PDE2A: variants seen among roughly 807,000 people sequenced by gnomAD.
The protein encoded by PDE2A is phosphodiesterase 2A.
A neutral mutation model predicts 133.6 loss-of-function variants in PDE2A; 53 were observed. The observed-to-expected ratio is 0.40, with a 90% CI of 0.32 to 0.50. The LOEUF is 0.50. Ranked by LOEUF, PDE2A falls within the 20% of genes least tolerant of loss-of-function variation. PDE2A has a pLI of 0.73. For missense variants in PDE2A, 796 were observed against 1,232.4 expected (o/e 0.65, Z 5.30); for synonymous variants, 491 against 490.2 (o/e 1.00, Z -0.02).
In PDE2A at chr11:72,616,439, C is replaced by T. The variant is rs531233513; in HGVS notation, c.145-7688G>A. Among the ~76,000 whole-genome samples the T allele has an allele frequency of 6.6e-5, 10 of 152,304 alleles. No individual in the cohort carries two copies. In the East Asian group the frequency reaches 7.7e-4, roughly 12 times the overall value. ...GCAGAGATTGTGTCCTGCCCCTCTCCAGGTCTCCAGCATTACCCAGCCCCT... is the reference window on the plus strand; with the variant it reads ...GCAGAGATTGTGTCCTGCCCCTCTCTAGGTCTCCAGCATTACCCAGCCCCT... On this transcript the variant is annotated intron_variant, in intron 2 of 30. Transcript: ENST00000334456.
intron 1 of PDE2A, among the ~76,000 whole-genome samples, chr11:72,660,968 A>G (rs1364156833): frequency 6.6e-6 from 1 of 151,962 alleles, no homozygotes; most frequent in East Asian, 1.9e-4. Context: ...GGTCTGAGAA[A>G]ATGAGGCAGA....
At chr11:72,629,112 G>T (rs908727190) in intron 2 of PDE2A, among the ~76,000 whole-genome samples, 1 of 152,216 alleles carries the variant, frequency 6.6e-6, no homozygotes, top group Admixed American at 6.5e-5. Context: ...CCAGATCCTC[G>T]GTCAGAGGGA....
intron 6 of PDE2A, among the ~76,000 whole-genome samples, chr11:72,594,242 A>AG (rs879505412): frequency 9.2e-5 from 14 of 152,236 alleles, no homozygotes; most frequent in Non-Finnish European, 2.1e-4. Context: ...AGAGACTGAG[A>AG]GAGGGGAATG....
At chr11:72,609,815 A>G (rs983252525) in intron 2 of PDE2A, among the ~76,000 whole-genome samples, 4 of 147,804 alleles carry the variant, frequency 2.7e-5, no homozygotes, top group African/African-American at 4.9e-5. Flanking sequence ...GATGAAGGAG[A>G]CATGGCTGGG....
At chr11:72,581,820 T>C (rs546355175) in intron 22 of PDE2A, 57 bp downstream of exon 22, 77 of 1,487,434 alleles carry the variant, frequency 5.2e-5, no homozygotes, top group Non-Finnish European at 6.7e-5. Context: ...GGGCAACGGA[T>C]GTGACAGTAG....
intron 1 of PDE2A, among the ~76,000 whole-genome samples, chr11:72,661,868 C>T (rs1855076089): frequency 6.6e-6 from 1 of 152,088 alleles, no homozygotes; most frequent in Non-Finnish European, 1.5e-5. Flanking sequence ...ATTGATGTTC[C>T]CATTTGTTCT....
At chr11:72,598,236 C>T (rs1378374246) in intron 4 of PDE2A, among the ~76,000 whole-genome samples, 1 of 152,208 alleles carries the variant, frequency 6.6e-6, no homozygotes, top group Non-Finnish European at 1.5e-5. Flanking sequence ...CCCAGGGTTA[C>T]ACAGTGAATA....
chr11:72,616,040 G>T (rs1190639656), intron 2 of PDE2A, among the ~76,000 whole-genome samples: 1 of 152,146 alleles, frequency 6.6e-6, no homozygotes, highest in Non-Finnish European at 1.5e-5. Flanking sequence ...CCTCAGGGTG[G>T]GTTGGGAGCT....
At chr11:72,640,993 CAT>C (rs1184269862) in intron 2 of PDE2A, among the ~76,000 whole-genome samples, 15 of 152,302 alleles carry the variant, frequency 9.8e-5, no homozygotes, top group African/African-American at 3.4e-4. Context: ...GCACAACACA[CAT>C]GATTACACAC....
At chr11:72,641,612 A>AG (rs1271185133) in intron 2 of PDE2A, among the ~76,000 whole-genome samples, 1 of 152,208 alleles carries the variant, frequency 6.6e-6, no homozygotes, top group Non-Finnish European at 1.5e-5. Flanking sequence ...GAACAAGAGG[A>AG]GGGGCCCCCC....
chr11:72,657,828 C>T, intron 1 of PDE2A: 1 of 455,296 alleles, frequency 2.2e-6, no homozygotes, highest in Admixed American at 2.3e-5. Context: ...ACAGACCTGC[C>T]CCCATCTGTT....
At chr11:72,600,677 C>A (rs1266700119) in intron 4 of PDE2A, among the ~76,000 whole-genome samples, 1 of 152,158 alleles carries the variant, frequency 6.6e-6, no homozygotes, top group African/African-American at 2.4e-5. Context: ...GCTCCCTGCT[C>A]CTCTCCAGTT....
intron 1 of PDE2A, among the ~76,000 whole-genome samples, chr11:72,666,249 CTGCA>C (rs1855230293): frequency 6.6e-6 from 1 of 152,226 alleles, no homozygotes; most frequent in Non-Finnish European, 1.5e-5. Flanking sequence ...CCCCTCTCTG[CTGCA>C]AGCCCTATCA....
intron 4 of PDE2A, among the ~76,000 whole-genome samples, chr11:72,602,757 C>A (rs1270544498): frequency 5.9e-5 from 9 of 152,312 alleles, no homozygotes; most frequent in East Asian, 1.9e-4. Context: ...GCCAATAGAC[C>A]GGGCCTCAGG....
At chr11:72,614,310 G>A (rs1857356145) in intron 2 of PDE2A, among the ~76,000 whole-genome samples, 1 of 152,218 alleles carries the variant, frequency 6.6e-6, no homozygotes, top group East Asian at 1.9e-4. Context: ...AGGGTGAGGA[G>A]AATAGAGGAA....
chr11:72,581,557 T>C (rs1591013297), intron 22 of PDE2A, 78 bp from the exon 23 acceptor site: 2 of 1,452,170 alleles, frequency 1.4e-6, no homozygotes, highest in South Asian at 1.3e-5. Context: ...AAACTACATG[T>C]CCCCTCCATC....
At chr11:72,613,174 C>T (rs1467084946) in intron 2 of PDE2A, among the ~76,000 whole-genome samples, 10 of 152,126 alleles carry the variant, frequency 6.6e-5, no homozygotes, top group Admixed American at 6.5e-4. Context: ...ATGGCTCACC[C>T]CACTGCCTGG....
intron 1 of PDE2A, among the ~76,000 whole-genome samples, chr11:72,663,376 G>A (rs532003108): frequency 2.8e-4 from 42 of 152,318 alleles, no homozygotes; most frequent in African/African-American, 9.4e-4. Context: ...GCAGCTCTCA[G>A]CCAGAGAGTA....
rs538439786 is a variant in PDE2A, at chr11:72,635,942, G to T, written c.144+6312C>A. On this transcript the variant is annotated intron_variant, in intron 2 of 30. Transcript: ENST00000334456. ...ATTCTTTCGGCCACCCGACCTTCCC[G>T]CTCCCCCTCCACACCACGAGATCTC... is the stretch of plus-strand genomic sequence containing the variant. 2.6e-5 allele frequency: 30 copies of T among 1,164,446 alleles called. No homozygotes were observed. In the African/African-American group the frequency reaches 4.2e-4, roughly 16 times the overall value. 72.1% of individuals were successfully genotyped at this position (1,164,446 alleles called of 1,614,324 possible). A position where few individuals can be genotyped will look rare whatever the true frequency, so the allele number is the denominator to read the frequency against.
Sources: gnomAD v4.1 joint callset for allele counts (sites outside exome capture counted in the v4.1 genomes callset) on GRCh38, gnomAD v4.1.1 for gene constraint, MANE v1.5 for transcripts, NCBI Gene and HGNC (gene_info 2026-07-23, HGNC 2026-07-21) for gene names.